Variants in NUS1 observed in about 807,000 individuals in gnomAD.
NUS1 encodes dehydrodolichyl diphosphate synthase complex subunit NUS1.
For synonymous variants in NUS1, 135 were observed against 155.2 expected, an observed-to-expected ratio of 0.87 and a Z score of 0.97; for missense variants, 292 against 382.9, an observed-to-expected ratio of 0.76 and a Z score of 1.98.
chr6:117,678,296 C>G (rs1461305411), intron 1 of NUS1, among the ~76,000 whole-genome samples: 1 of 151,934 alleles, frequency 6.6e-6, no homozygotes, highest in East Asian at 1.9e-4. Context: ...AATAAGAGAC[C>G]TTCAATTAGT....
intron 3 of NUS1, among the ~76,000 whole-genome samples, chr6:117,699,607 T>C (rs1007290457): frequency 6.6e-6 from 1 of 152,100 alleles, no homozygotes; most frequent in Non-Finnish European, 1.5e-5. Context: ...CAATGCAGTC[T>C]ATCAAAATAT....
In NUS1 at chr6:117,710,105, A is replaced by G. The variant is rs1773554035; in HGVS notation, c.*3090A>G. On this transcript the variant is annotated 3_prime_UTR_variant, in exon 5 of 5. Transcript: ENST00000368494. ...ACCGAATATGAAATTTCCAAATTAA[A>G]AACGTATATGTGTACTCTTTTAAAA... 1 of 152,166 alleles carries G rather than the reference A, an allele frequency of 6.6e-6. No individual in the cohort carries two copies. The highest frequency in any genetic ancestry group is 6.5e-5 in the Admixed American group (1 of 15,276). The allele number at this position is 152,166 out of a possible 1,614,324, so 9.4% of individuals were successfully genotyped here.
chr6:117,707,244 C>T lies in NUS1; in HGVS notation c.*229C>T, dbSNP rs181113936. On this transcript the variant is annotated 3_prime_UTR_variant, in exon 5 of 5. Coordinates refer to ENST00000368494, the MANE Select transcript of NUS1 (RefSeq NM_138459.5). ...ATGGAAATAAACTTATAAATGGGGA[C>T]GTATTGGAGAAGGAAATACATAGAC... 2.7e-4 allele frequency: 118 copies of T among 433,552 alleles called. No individual in the cohort carries two copies. Among genetic ancestry groups the T allele is most frequent in the African/African-American group, 1.9e-3 (95 of 49,766 alleles). The allele number at this position is 433,552 out of a possible 1,614,324, so 26.9% of individuals were successfully genotyped here.
intron 1 of NUS1, among the ~76,000 whole-genome samples, chr6:117,681,173 G>A (rs4132566): frequency 0.42 from 63,951 of 151,916 alleles, 16,950 homozygotes; most frequent in Non-Finnish European, 0.6. Flanking sequence ...TATTCACTCC[G>A]TTCCCTATCT....
At chr6:117,700,830 T>C (rs1266682756) in intron 3 of NUS1, among the ~76,000 whole-genome samples, 1 of 152,178 alleles carries the variant, frequency 6.6e-6, no homozygotes, top group African/African-American at 2.4e-5. Context: ...GAGGCCATTA[T>C]GTTAAATGAA....
intron 4 of NUS1, among the ~76,000 whole-genome samples, chr6:117,705,906 T>C (rs1440384202): frequency 6.6e-6 from 1 of 152,094 alleles, no homozygotes; most frequent in African/African-American, 2.4e-5. Flanking sequence ...GAATTAGAAG[T>C]GGATGACTTA....
At chr6:117,689,644 C>T (rs1773187714) in intron 1 of NUS1, among the ~76,000 whole-genome samples, 1 of 151,996 alleles carries the variant, frequency 6.6e-6, no homozygotes, top group African/African-American at 2.4e-5. Context: ...TCACTGCAGC[C>T]TTGAACTCCT....
chr6:117,690,774 G>A (rs780577021), intron 1 of NUS1, among the ~76,000 whole-genome samples: 7 of 151,934 alleles, frequency 4.6e-5, no homozygotes, highest in South Asian at 2.1e-4. Context: ...GGCGGATCAC[G>A]AGGTCCGGAG....
chr6:117,700,990 C>A, intron 3 of NUS1, among the ~76,000 whole-genome samples: 1 of 148,852 alleles, frequency 6.7e-6, no homozygotes, highest in Non-Finnish European at 1.5e-5. Flanking sequence ...GGAAGTGAGG[C>A]TGGCTACTGT....
intron 1 of NUS1, among the ~76,000 whole-genome samples, chr6:117,681,999 A>AT (rs1172349687): frequency 7.9e-5 from 12 of 151,758 alleles, no homozygotes; most frequent in South Asian, 2.1e-4. Flanking sequence ...TGCCCACCTA[A>AT]TTTTTTGTAT....
intron 1 of NUS1, among the ~76,000 whole-genome samples, chr6:117,691,127 G>A (rs1290146354): frequency 6.6e-6 from 1 of 151,420 alleles, no homozygotes; most frequent in Non-Finnish European, 1.5e-5. Context: ...TCATCGCCTC[G>A]ACAAATTATG....
In NUS1 at chr6:117,706,800, GC is replaced by G; in HGVS notation, c.792-124del. ...AGACATTTTCCGTGCCTGTCATGGT[GC>G]TGTCTGGTGGAGGATAATTTGGTGT... On this transcript the variant is annotated intron_variant, in intron 4 of 4. Transcript: ENST00000368494. 3 of 715,196 alleles carry G rather than the reference GC, an allele frequency of 4.2e-6. No individual in the cohort carries two copies. In the South Asian group the frequency reaches 4.6e-5, roughly 11 times the overall value. 44.3% of individuals were successfully genotyped at this position (715,196 alleles called of 1,614,324 possible). A position where few individuals can be genotyped will look rare whatever the true frequency, so the allele number is the denominator to read the frequency against.
intron 1 of NUS1, among the ~76,000 whole-genome samples, chr6:117,686,880 GTGT>G (rs1773149072): frequency 1.3e-5 from 2 of 151,238 alleles, no homozygotes; most frequent in Non-Finnish European, 3.0e-5. Context: ...GTGTGTGTGT[GTGT>G]GTGTGTGTGT....
rs1250913358 is a variant in NUS1, at chr6:117,709,313, C to A, written c.*2298C>A. The A allele has an allele frequency of 6.8e-6, 1 of 146,726 alleles. No homozygotes were observed. The highest frequency in any genetic ancestry group is 1.5e-5 in the Non-Finnish European group (1 of 66,748). 9.1% of individuals were successfully genotyped at this position (146,726 alleles called of 1,614,324 possible). On this transcript the variant is annotated 3_prime_UTR_variant, in exon 5 of 5. Coordinates refer to ENST00000368494, the MANE Select transcript of NUS1 (RefSeq NM_138459.5). The stretch of plus-strand genomic sequence containing the variant: ...TTTAAATTGTTTCTTGTTGACACTC[C>A]CCACAATGGAAAAATTACCGAATTA...
intron 3 of NUS1, among the ~76,000 whole-genome samples, chr6:117,702,242 A>T (rs1223307119): frequency 1.3e-5 from 2 of 152,202 alleles, no homozygotes; most frequent in Non-Finnish European, 2.9e-5. Context: ...TCCCACCTTT[A>T]ACTGTCAAAC....
intron 1 of NUS1, among the ~76,000 whole-genome samples, chr6:117,688,186 A>G (rs991068252): frequency 1.3e-5 from 2 of 152,218 alleles, no homozygotes; most frequent in Non-Finnish European, 2.9e-5. Flanking sequence ...GCCCCACTGC[A>G]CTCAGCCTGG....
intron 3 of NUS1, 43 bp downstream of exon 3, chr6:117,694,223 G>A: frequency 3.6e-6 from 4 of 1,121,260 alleles, no homozygotes; most frequent in African/African-American, 1.6e-5. Flanking sequence ...GTATATGTAT[G>A]TGTGTGTGTT....
chr6:117,676,126 T>C, intron 1 of NUS1, 41 bp downstream of exon 1: 1 of 1,549,504 alleles, frequency 6.5e-7, no homozygotes, highest in Non-Finnish European at 8.7e-7. Flanking sequence ...CGAGGCGTCT[T>C]GGACCGCTAG....
chr6:117,684,316 A>G (rs999945650), intron 1 of NUS1, among the ~76,000 whole-genome samples: 12 of 152,210 alleles, frequency 7.9e-5, no homozygotes, highest in Admixed American at 2.0e-4. Context: ...ATAATTCCAG[A>G]CTTCTATATC....
Sources: gnomAD v4.1 joint callset for allele counts (sites outside exome capture counted in the v4.1 genomes callset) on GRCh38, gnomAD v4.1.1 for gene constraint, MANE v1.5 for transcripts, NCBI Gene and HGNC (gene_info 2026-07-23, HGNC 2026-07-21) for gene names.